The following RARB variants were observed in gnomAD, a reference collection of about 807,000 sequenced individuals.
RARB encodes the protein retinoic acid receptor beta.
A neutral mutation model predicts 51.9 loss-of-function variants in RARB; 17 were observed. The ratio of observed to expected loss-of-function variants is 0.33; its 90% CI spans 0.22 to 0.49. The LOEUF (loss-of-function observed/expected upper bound fraction) is 0.49. Ranked by LOEUF, RARB falls within the 20% of genes least tolerant of loss-of-function variation. The probability of loss-of-function intolerance (pLI) is 0.99; values close to 1 mark genes in which losing one functional copy is unlikely to be tolerated. For missense variants in RARB, 369 were observed against 550.8 expected, an observed-to-expected ratio of 0.67 and a Z score of 3.30; for synonymous variants, 215 against 195.4, an observed-to-expected ratio of 1.10 and a Z score of -0.84.
upstream of RARB, among the ~76,000 whole-genome samples, chr3:25,424,913 C>G (rs1707948898): frequency 1.3e-5 from 2 of 152,206 alleles, no homozygotes; most frequent in Non-Finnish European, 2.9e-5. Context: ...ACCCTGAACC[C>G]TGGCTATAAA....
chr3:24,991,827 A>G (rs1696918414), intron 2 of RARB, among the ~76,000 whole-genome samples: 1 of 150,378 alleles, frequency 6.6e-6, no homozygotes, highest in African/African-American at 2.5e-5. Context: ...CCACGTGCTC[A>G]GCCATCTCTC....
chr3:25,596,372 A>G, intron 7 of RARB, 48 bp from the exon 8 acceptor site: 1 of 1,469,512 alleles, frequency 6.8e-7, no homozygotes, highest in Non-Finnish European at 9.4e-7. Context: ...TATCTGTCAT[A>G]GCTTAACTCC....
chr3:25,514,174 A>G (rs1213032430), intron 3 of RARB, among the ~76,000 whole-genome samples: 1 of 152,140 alleles, frequency 6.6e-6, no homozygotes, highest in African/African-American at 2.4e-5. Flanking sequence ...GGCTACCTAA[A>G]TCGCTCAGTA....
chr3:24,880,529 T>C (rs1322162171), intron 2 of RARB, among the ~76,000 whole-genome samples: 3 of 152,128 alleles, frequency 2.0e-5, no homozygotes, highest in Non-Finnish European at 2.9e-5. Flanking sequence ...TGTAAAGAGA[T>C]AGAAAACAGG....
chr3:25,164,330 C>A (rs538573210), intron 4 of RARB, among the ~76,000 whole-genome samples: 1 of 152,248 alleles, frequency 6.6e-6, no homozygotes, highest in African/African-American at 2.4e-5. Context: ...ATAGGAAGGT[C>A]CTAAGGTGTC....
intron 5 of RARB, among the ~76,000 whole-genome samples, chr3:25,258,175 C>A (rs1387915527): frequency 4.6e-5 from 7 of 152,086 alleles, no homozygotes; most frequent in Non-Finnish European, 8.8e-5. Context: ...GACTGAGGAA[C>A]CTCTGAGGTT....
At chr3:25,002,891 C>T (rs921836496) in intron 2 of RARB, among the ~76,000 whole-genome samples, 1 of 151,874 alleles carries the variant, frequency 6.6e-6, no homozygotes, top group Non-Finnish European at 1.5e-5. Context: ...ATATAAAATG[C>T]TTAGAAAAGC....
At chr3:25,582,188 A>G (rs1376174694) in intron 5 of RARB, among the ~76,000 whole-genome samples, 1 of 152,222 alleles carries the variant, frequency 6.6e-6, no homozygotes, top group Non-Finnish European at 1.5e-5. Flanking sequence ...GATGTTAACA[A>G]TGAGCTATTA....
chr3:25,098,161 G>A (rs972016), intron 3 of RARB, among the ~76,000 whole-genome samples: 134,842 of 152,118 alleles, frequency 0.89, 60,120 homozygotes, highest in African/African-American at 0.97. Context: ...TTCCCACAGG[G>A]GGTGAAGCTG....
chr3:24,949,027 T>C (rs1306970931), intron 2 of RARB, among the ~76,000 whole-genome samples: 2 of 152,214 alleles, frequency 1.3e-5, no homozygotes, highest in Non-Finnish European at 2.9e-5. Context: ...TAGCTGTCTC[T>C]ACTGCAGGGC....
chr3:25,540,307 C>T (rs1286770), intron 3 of RARB, among the ~76,000 whole-genome samples: 26,426 of 152,046 alleles, frequency 0.17, 2,685 homozygotes, highest in African/African-American at 0.29. Flanking sequence ...GGAAGGAAAG[C>T]GGTTTAGGCT....
chr3:25,509,217 G>A (rs1472359333), intron 3 of RARB, among the ~76,000 whole-genome samples: 3 of 152,164 alleles, frequency 2.0e-5, no homozygotes, highest in East Asian at 1.9e-4. Context: ...TTTGCTTCAC[G>A]TGAAATGAAC....
At chr3:24,877,653 C>T (rs746309067) in intron 2 of RARB, among the ~76,000 whole-genome samples, 2 of 152,058 alleles carry the variant, frequency 1.3e-5, no homozygotes, top group Non-Finnish European at 2.9e-5. Flanking sequence ...AGAGGGAGAC[C>T]TCCAAGTCTG....
intron 5 of RARB, among the ~76,000 whole-genome samples, chr3:25,207,638 A>G (rs1333376804): frequency 4.6e-5 from 7 of 152,122 alleles, no homozygotes; most frequent in East Asian, 1.9e-4. Flanking sequence ...TAATTATTTA[A>G]TTTCTCTCTC....
chr3:25,035,870 G>A (rs905153565), intron 2 of RARB, among the ~76,000 whole-genome samples: 1 of 152,170 alleles, frequency 6.6e-6, no homozygotes, highest in Non-Finnish European at 1.5e-5. Flanking sequence ...ACACCCACCT[G>A]CTGTGAGCCT....
At chr3:24,996,183 TG>T (rs1176055055) in intron 2 of RARB, among the ~76,000 whole-genome samples, 1 of 152,088 alleles carries the variant, frequency 6.6e-6, no homozygotes. Flanking sequence ...GGTTCAATCT[TG>T]GTACATTATA....
At position 25,529,576 on chromosome 3, in the gene RARB, G is replaced by A. The variant is rs78306579; in HGVS notation, c.448+28253G>A. Among the ~76,000 whole-genome samples, 1,393 of 152,310 alleles carry A rather than the reference G, an allele frequency of 9.1e-3. 34 individuals carry two copies. The highest frequency in any genetic ancestry group is 0.032 in the African/African-American group (1,323 of 41,552). The stretch of plus-strand genomic sequence containing the variant: ...TGAAATGGACGATGGAGTTACTTCT[G>A]AAGGAGGAGGAAATGGGAAAGGAAA... On this transcript the variant is annotated intron_variant, in intron 3 of 7. Coordinates refer to ENST00000330688, the MANE Select transcript of RARB (RefSeq NM_000965.5).
chr3:25,468,912 G>A (rs904463046), intron 2 of RARB, among the ~76,000 whole-genome samples: 1 of 152,206 alleles, frequency 6.6e-6, no homozygotes, highest in Non-Finnish European at 1.5e-5. Flanking sequence ...CCACAATCCA[G>A]CCTGTCCTGC....
chr3:25,027,340 T>C (rs1455912443), intron 2 of RARB, among the ~76,000 whole-genome samples: 1 of 152,100 alleles, frequency 6.6e-6, no homozygotes, highest in African/African-American at 2.4e-5. Context: ...CCTATCCTGG[T>C]TGTACCCAAG....
Sources: allele counts gnomAD v4.1 joint callset (sites outside exome capture counted in the v4.1 genomes callset), GRCh38; gene constraint gnomAD v4.1.1; transcripts MANE v1.5; gene names NCBI Gene and HGNC (gene_info 2026-07-23, HGNC 2026-07-21).